Variants in NALF1 observed in about 807,000 individuals in gnomAD.
NALF1 encodes the protein family with sequence similarity 155 member A.
Under a neutral mutation model 48.4 loss-of-function variants are expected in NALF1, and 3 were observed. That is an observed-to-expected ratio of 0.06 (90% CI 0.03 to 0.16). The LOEUF is 0.16. NALF1 is among the 10% of genes least tolerant of loss of function. The pLI is 1.00. For synonymous variants in NALF1, 262 were observed against 245.7 expected (o/e 1.07, Z -0.62); for missense variants, 526 against 571.5 (o/e 0.92, Z 0.81).
intron 1 of NALF1, among the ~76,000 whole-genome samples, chr13:107,589,275 A>G (rs1486086576): frequency 3.9e-5 from 6 of 152,166 alleles, no homozygotes; most frequent in Non-Finnish European, 8.8e-5. Flanking sequence ...TACTTTCATC[A>G]CCGTTAAAAT....
At position 107,191,313 on chromosome 13, in the gene NALF1, T is replaced by C. The variant is rs1879274001; in HGVS notation, c.1087+19271A>G. 3.9e-5 allele frequency among the ~76,000 whole-genome samples: 6 copies of C among 152,078 alleles called. No individual in the cohort carries two copies. The South Asian group carries it at 1.2e-3, about 31-fold the overall frequency. ...GATAAAGATAAAATAACAAAATTAG[T>C]GATTTTTTTGAAAAATAACAGAATT... On this transcript the variant is annotated intron_variant, in intron 2 of 2. Coordinates refer to ENST00000375915, the MANE Select transcript of NALF1 (RefSeq NM_001080396.3).
intron 1 of NALF1, among the ~76,000 whole-genome samples, chr13:107,546,590 A>G (rs1489539103): frequency 1.3e-5 from 2 of 152,044 alleles, no homozygotes; most frequent in South Asian, 2.1e-4. Flanking sequence ...ATACAAATCA[A>G]TATTTCTCTA....
chr13:107,496,113 T>C (rs1431140366), intron 1 of NALF1, among the ~76,000 whole-genome samples: 1 of 152,176 alleles, frequency 6.6e-6, no homozygotes, highest in Non-Finnish European at 1.5e-5. Flanking sequence ...TCTTTCTCAA[T>C]TTCTTTATTA....
intron 1 of NALF1, among the ~76,000 whole-genome samples, chr13:107,831,095 T>G (rs1226429311): frequency 1.3e-5 from 2 of 152,116 alleles, no homozygotes; most frequent in East Asian, 3.9e-4. Context: ...TAGAAACACA[T>G]AAATCAAGAA....
At chr13:107,541,900 A>C (rs935341550) in intron 1 of NALF1, among the ~76,000 whole-genome samples, 1 of 152,048 alleles carries the variant, frequency 6.6e-6, no homozygotes, top group Non-Finnish European at 1.5e-5. Context: ...TTTGCCAAGA[A>C]GTCCAAAAGA....
intron 1 of NALF1, among the ~76,000 whole-genome samples, chr13:107,795,892 C>A (rs1878408032): frequency 6.6e-6 from 1 of 152,112 alleles, no homozygotes; most frequent in African/African-American, 2.4e-5. Flanking sequence ...CATTCTCTTG[C>A]CTTGTTAAAC....
chr13:107,497,588 C>T (rs1215723018), intron 1 of NALF1, among the ~76,000 whole-genome samples: 1 of 152,150 alleles, frequency 6.6e-6, no homozygotes, highest in Non-Finnish European at 1.5e-5. Flanking sequence ...ATTTCAGATC[C>T]ACATCCAATG....
At chr13:107,831,743 G>A (rs945061382) in intron 1 of NALF1, among the ~76,000 whole-genome samples, 6 of 152,136 alleles carry the variant, frequency 3.9e-5, no homozygotes, top group South Asian at 4.1e-4. Context: ...AGATGTTTGC[G>A]CGTATTTGCA....
At chr13:107,392,287 C>G (rs1233865025) in intron 1 of NALF1, among the ~76,000 whole-genome samples, 2 of 151,978 alleles carry the variant, frequency 1.3e-5, no homozygotes, top group East Asian at 1.9e-4. Flanking sequence ...TGCAGGGGCC[C>G]TCACCCTGGG....
chr13:107,279,681 T>G (rs564871961), intron 1 of NALF1, among the ~76,000 whole-genome samples: 77 of 152,340 alleles, frequency 5.1e-4, no homozygotes, highest in African/African-American at 1.8e-3. Flanking sequence ...GGCACTCAAC[T>G]TTGCCTACAA....
intron 1 of NALF1, among the ~76,000 whole-genome samples, chr13:107,726,924 T>C (rs1876171974): frequency 6.8e-6 from 1 of 147,336 alleles, no homozygotes; most frequent in Admixed American, 6.8e-5. Context: ...TGTGTGTGTG[T>C]GTGTGTGTGT....
intron 1 of NALF1, among the ~76,000 whole-genome samples, chr13:107,413,615 T>C (rs1205580178): frequency 6.6e-6 from 1 of 152,108 alleles, no homozygotes. Context: ...GAATTAACCC[T>C]TCATGCATTT....
chr13:107,755,299 C>T (rs985722467), intron 1 of NALF1, among the ~76,000 whole-genome samples: 31 of 151,914 alleles, frequency 2.0e-4, no homozygotes, highest in Non-Finnish European at 3.5e-4. Context: ...TCCATTCACC[C>T]ACCACTTCAC....
intron 1 of NALF1, among the ~76,000 whole-genome samples, chr13:107,607,161 A>C (rs541066943): frequency 2.6e-5 from 4 of 152,342 alleles, no homozygotes; most frequent in African/African-American, 9.6e-5. Context: ...AAAATGTAGG[A>C]AACCTAAATC....
chr13:107,454,062 T>G (rs1384420902), intron 1 of NALF1, among the ~76,000 whole-genome samples: 3 of 152,218 alleles, frequency 2.0e-5, no homozygotes, highest in Non-Finnish European at 2.9e-5. Flanking sequence ...CATTTCACTA[T>G]CAGCTTTTTG....
At chr13:107,617,855 C>T (rs1879420869) in intron 1 of NALF1, among the ~76,000 whole-genome samples, 1 of 152,106 alleles carries the variant, frequency 6.6e-6, no homozygotes, top group Non-Finnish European at 1.5e-5. Flanking sequence ...CATAATTCAC[C>T]ACTCTGAATG....
chr13:107,336,982 T>C (rs1477370334), intron 1 of NALF1, among the ~76,000 whole-genome samples: 3 of 149,744 alleles, frequency 2.0e-5, no homozygotes, highest in African/African-American at 7.5e-5. Context: ...AAACCCGCAT[T>C]GTTCTTCTTT....
At chr13:107,614,179 A>AT (rs1192502922) in intron 1 of NALF1, among the ~76,000 whole-genome samples, 2 of 152,232 alleles carry the variant, frequency 1.3e-5, no homozygotes, top group Non-Finnish European at 2.9e-5. Flanking sequence ...CAAATCTCTC[A>AT]TATCACAGCA....
chr13:107,617,468 A>G (rs950518089), intron 1 of NALF1, among the ~76,000 whole-genome samples: 1 of 151,806 alleles, frequency 6.6e-6, no homozygotes, highest in African/African-American at 2.4e-5. Flanking sequence ...TAACAACTTA[A>G]AGAAGCTTAT....
Sources: allele counts gnomAD v4.1 joint callset (sites outside exome capture counted in the v4.1 genomes callset), GRCh38; gene constraint gnomAD v4.1.1; transcripts MANE v1.5; gene names NCBI Gene and HGNC (gene_info 2026-07-23, HGNC 2026-07-21).